ENOX2: variants seen among roughly 807,000 people sequenced by gnomAD.
The protein encoded by ENOX2 is APK1 antigen.
A neutral mutation model predicts 45.0 loss-of-function variants in ENOX2; 36 were observed. The ratio of observed to expected loss-of-function variants is 0.80; its 90% CI spans 0.61 to 1.06. ENOX2 has a LOEUF of 1.06. ENOX2 is among the 50% of genes least tolerant of loss of function. The pLI is 0.00. For synonymous variants in ENOX2, 174 were observed against 152.3 expected, an observed-to-expected ratio of 1.14 and a Z score of -1.05; for missense variants, 423 against 462.5, an observed-to-expected ratio of 0.91 and a Z score of 0.78.
intron 2 of ENOX2, among the ~76,000 whole-genome samples, chrX:130,863,569 T>C (rs1168013139): frequency 8.9e-6 from 1 of 112,407 alleles, no homozygotes; most frequent in Non-Finnish European, 1.9e-5. Flanking sequence ...TGAATACCTA[T>C]AATTTTTGGA....
At chrX:130,816,951 C>A (rs2077498949) in intron 2 of ENOX2, among the ~76,000 whole-genome samples, 1 of 111,589 alleles carries the variant, frequency 9.0e-6, no homozygotes, top group Non-Finnish European at 1.9e-5. Flanking sequence ...CAAAAAAACC[C>A]TTCAAAAAGA....
intron 7 of ENOX2, among the ~76,000 whole-genome samples, chrX:130,669,230 A>T (rs2036916454): frequency 8.9e-6 from 1 of 112,017 alleles, no homozygotes; most frequent in African/African-American, 3.2e-5. Context: ...AATCATCTAT[A>T]CTCAGAAAAT....
chrX:130,771,169 C>T (rs1405831841), intron 3 of ENOX2, among the ~76,000 whole-genome samples: 1 of 112,046 alleles, frequency 8.9e-6, no homozygotes, highest in African/African-American at 3.2e-5. Context: ...ATCTCTGTGC[C>T]ATCTTTCAGG....
intron 3 of ENOX2, among the ~76,000 whole-genome samples, chrX:130,759,756 T>A (rs980026782): frequency 4.6e-5 from 5 of 109,654 alleles, no homozygotes; most frequent in Non-Finnish European, 7.6e-5. Context: ...ACTTTATTTT[T>A]ATTTTTTTTT....
At chrX:130,900,343 A>C (rs2079125048) in intron 2 of ENOX2, among the ~76,000 whole-genome samples, 1 of 112,552 alleles carries the variant, frequency 8.9e-6, no homozygotes, top group African/African-American at 3.2e-5. Flanking sequence ...GTTTTTTAAG[A>C]CATATTTGAA....
intron 3 of ENOX2, among the ~76,000 whole-genome samples, chrX:130,752,343 T>C (rs2039243436): frequency 9.0e-6 from 1 of 110,969 alleles, no homozygotes; most frequent in African/African-American, 3.3e-5. Context: ...TTGCTCTCTG[T>C]GTCTTTCTGA....
At chrX:130,648,728 G>T (rs777385871) in intron 10 of ENOX2, among the ~76,000 whole-genome samples, 3 of 109,730 alleles carry the variant, frequency 2.7e-5, no homozygotes, top group African/African-American at 1.0e-4. Context: ...CCCTGGGAAG[G>T]GGGGTGCATT....
intron 2 of ENOX2, among the ~76,000 whole-genome samples, chrX:130,888,340 A>G (rs1408137662): frequency 8.9e-6 from 1 of 111,920 alleles, no homozygotes; most frequent in African/African-American, 3.2e-5. Context: ...CAAAAAGGAG[A>G]TAGTGTCTTT....
chrX:130,666,146 A>T, intron 8 of ENOX2, among the ~76,000 whole-genome samples: 1 of 111,707 alleles, frequency 9.0e-6, no homozygotes, highest in Non-Finnish European at 1.9e-5. Context: ...GGCAAACTGT[A>T]CCAGAAACTC....
In ENOX2 at chrX:130,888,871, A is replaced by G. The variant is rs369793992; in HGVS notation, c.-183+12813T>C. Among the ~76,000 whole-genome samples, 14 of 111,823 alleles carry G rather than the reference A, an allele frequency of 1.3e-4. No homozygotes were observed. The South Asian group carries it at 5.3e-3, about 43-fold the overall frequency. ...TAAATTCTCTCTTTCCTTTCTGGAAAGTCAGTCCATTTTTCTTCATATGGT... is the reference window on the plus strand; with the variant it reads ...TAAATTCTCTCTTTCCTTTCTGGAAGGTCAGTCCATTTTTCTTCATATGGT... On this transcript the variant is annotated intron_variant, in intron 2 of 14. Coordinates refer to ENST00000394363, the MANE Select transcript of ENOX2 (RefSeq NM_006375.4).
intron 2 of ENOX2, among the ~76,000 whole-genome samples, chrX:130,831,531 C>A (rs2077828328): frequency 9.0e-6 from 1 of 111,126 alleles, no homozygotes; most frequent in African/African-American, 3.3e-5. Context: ...TCCCGCAATA[C>A]AACCACTCAT....
intron 2 of ENOX2, among the ~76,000 whole-genome samples, chrX:130,856,188 C>T (rs902730288): frequency 8.9e-6 from 1 of 112,371 alleles, no homozygotes; most frequent in African/African-American, 3.2e-5. Flanking sequence ...ATGCCTTATC[C>T]ACCATGATGG....
intron 14 of ENOX2, among the ~76,000 whole-genome samples, 159 bp downstream of exon 14, chrX:130,627,799 C>T (rs1357212894): frequency 8.9e-6 from 1 of 111,929 alleles, no homozygotes; most frequent in East Asian, 2.8e-4. Flanking sequence ...ATCCCACTTG[C>T]AAAGGGGAAG....
At chrX:130,707,870 A>T (rs183807381) in intron 3 of ENOX2, among the ~76,000 whole-genome samples, 1 of 111,972 alleles carries the variant, frequency 8.9e-6, no homozygotes, top group East Asian at 2.8e-4. Context: ...CTACTTAGCA[A>T]CTGTAATGTG....
chrX:130,689,041 A>G, intron 4 of ENOX2, 23 bp from the exon 5 acceptor site: 1 of 1,176,733 alleles, frequency 8.5e-7, no homozygotes. Flanking sequence ...AAGAGAGAAC[A>G]ATAAATGACA....
At chrX:130,651,627 T>G (rs767175923) in intron 10 of ENOX2, among the ~76,000 whole-genome samples, 2 of 111,835 alleles carry the variant, frequency 1.8e-5, no homozygotes, top group East Asian at 5.6e-4. Context: ...CAATACACAC[T>G]CATGTTGGCC....
rs761314995 is a variant in ENOX2 at position 130,670,111 on chromosome X, T to C, written c.548A>G (p.Tyr183Cys). 5.8e-6 allele frequency: 7 copies of C among 1,210,672 alleles called. No individual in the cohort carries two copies. In the South Asian group the frequency reaches 7.0e-5, roughly 12 times the overall value. Residue 183 changes from tyrosine (Y) to cysteine (C), a missense_variant, in exon 7 of 15, where the codon TAT becomes TGT. Tyr to Cys is a radical substitution (Grantham distance 194). Around this residue, in one of 5 missense-constraint regions of ENOX2, gnomAD observed 261 missense variants for 306.8 expected, o/e 0.85. Transcript: ENST00000394363. The stretch of plus-strand genomic sequence containing the variant: ...CATACGCTGTTTACACTCCCACTCA[T>C]ACAGGTCATCTCGAGCCTGTGCGAA... ...VDFAQARDDL[Y>C]EWECKQRMLA...
At chrX:130,773,189 T>G (rs1293005238) in intron 3 of ENOX2, among the ~76,000 whole-genome samples, 1 of 111,873 alleles carries the variant, frequency 8.9e-6, no homozygotes, top group East Asian at 2.8e-4. Context: ...AAGCACTATT[T>G]ATTCGTTTTC....
rs1430604966 is a variant in ENOX2, at chrX:130,886,645, C to CA, written c.-183+15038_-183+15039insT. Reference sequence around the variant, plus strand: ...ATTTGTAGCTTTGCTGTTTCCAGCACTTTTTTTTTTCTGTCAGGAGAATAA... The same window carrying CA: ...ATTTGTAGCTTTGCTGTTTCCAGCACATTTTTTTTTTCTGTCAGGAGAATAA... On this transcript the variant is annotated intron_variant, in intron 2 of 14. Transcript: ENST00000394363. 2.8e-5 allele frequency among the ~76,000 whole-genome samples: 3 copies of CA among 108,438 alleles called. No individual in the cohort carries two copies. The East Asian group carries it at 8.6e-4, about 31-fold the overall frequency. 94.2% of individuals were successfully genotyped at this position (108,438 alleles called of 115,157 possible). A position where few individuals can be genotyped will look rare whatever the true frequency, so the allele number is the denominator to read the frequency against.
Sources: gnomAD v4.1 joint callset for allele counts (sites outside exome capture counted in the v4.1 genomes callset) on GRCh38, gnomAD v4.1.1 for gene constraint, gnomAD v4.1.1 regional missense constraint, MANE v1.5 for transcripts, NCBI Gene and HGNC (gene_info 2026-07-23, HGNC 2026-07-21) for gene names.